Variants in TNN observed in about 807,000 individuals in gnomAD.
The protein encoded by TNN is tenascin N.
A neutral mutation model predicts 134.4 loss-of-function variants in TNN; 122 were observed. That is an observed-to-expected ratio of 0.91 (90% confidence interval 0.78 to 1.06). TNN has a LOEUF of 1.06. Among genes scored for constraint, TNN ranks in the 50% least tolerant of loss-of-function variants. The pLI is 0.00. For synonymous variants in TNN, 710 were observed against 670.3 expected (o/e 1.06, Z -0.91); for missense variants, 1,739 against 1,699.4 (o/e 1.02, Z -0.41).
chr1:175,142,529 G>A (rs1157135938), intron 17 of TNN, among the ~76,000 whole-genome samples: 1 of 152,226 alleles, frequency 6.6e-6, no homozygotes, highest in African/African-American at 2.4e-5. Flanking sequence ...CATCGGAAGG[G>A]CTTGTCAAGG....
intron 15 of TNN, among the ~76,000 whole-genome samples, chr1:175,134,344 A>G (rs1229292614): frequency 6.6e-6 from 1 of 152,142 alleles, no homozygotes; most frequent in African/African-American, 2.4e-5. Flanking sequence ...CAGGAGTTCA[A>G]GACCAGTCTG....
Position 175,144,501 on chromosome 1 carries a change from G to A in TNN, c.3710G>A (p.Cys1237Tyr). ...THHGGWWYKN[C>Y]HLANPNGRYG... ...CATGGTGGCTGGTGGTATAAGAACT[G>A]CCACTTGGCCAACCCTAATGGCAGA... Residue 1237 changes from cysteine (C) to tyrosine (Y), a missense_variant, in exon 18 of 19, where the codon TGC becomes TAC. Coordinates refer to ENST00000239462, the MANE Select transcript of TNN (RefSeq NM_022093.2). 6.2e-7 allele frequency: 1 copy of A among 1,614,236 alleles called. No individual in the cohort carries two copies. Among genetic ancestry groups the A allele is most frequent in the Non-Finnish European group, 8.5e-7 (1 of 1,180,040 alleles).
chr1:175,104,004 T>C (rs1460011130), intron 9 of TNN, among the ~76,000 whole-genome samples: 1 of 145,990 alleles, frequency 6.8e-6, no homozygotes, highest in African/African-American at 2.5e-5. Context: ...GGTAACTTGT[T>C]CCCCATATTT....
intron 17 of TNN, among the ~76,000 whole-genome samples, 173 bp from the exon 18 acceptor site, chr1:175,144,214 C>T (rs1014845541): frequency 1.3e-5 from 2 of 152,118 alleles, no homozygotes; most frequent in African/African-American, 4.8e-5. Context: ...ACAGCTTGTT[C>T]CCATGTGTCA....
chr1:175,134,084 C>T, intron 15 of TNN, among the ~76,000 whole-genome samples: 1 of 152,190 alleles, frequency 6.6e-6, no homozygotes, highest in East Asian at 1.9e-4. Context: ...TGAACTGAGA[C>T]TCAGTGAACT....
chr1:175,081,849 T>A (rs928504180), intron 4 of TNN, among the ~76,000 whole-genome samples: 1 of 152,168 alleles, frequency 6.6e-6, no homozygotes, highest in Non-Finnish European at 1.5e-5. Context: ...GATTGGGTGC[T>A]GTCAAGAAGT....
At chr1:175,110,849 G>T (rs1674999704) in intron 9 of TNN, among the ~76,000 whole-genome samples, 1 of 152,148 alleles carries the variant, frequency 6.6e-6, no homozygotes, top group African/African-American at 2.4e-5. Flanking sequence ...TGGCTATTTG[G>T]GGTCTTCTGT....
Position 175,118,844 on chromosome 1 carries a change from G to A in TNN, c.2650+20G>A, listed in dbSNP as rs1675264195. Reference sequence around the variant, plus strand: ...AGACAGGTAATAGAAGTGAAGAGAAGAGCAAACCCGGGTAGTAGCTGCAGG... The same window carrying A: ...AGACAGGTAATAGAAGTGAAGAGAAAAGCAAACCCGGGTAGTAGCTGCAGG... On this transcript the variant is annotated intron_variant, in intron 11 of 18. Coordinates refer to ENST00000239462, the MANE Select transcript of TNN (RefSeq NM_022093.2). The A allele has an allele frequency of 1.9e-6, 3 of 1,612,834 alleles. No homozygotes were observed. The highest frequency in any genetic ancestry group is 1.3e-5 in the African/African-American group (1 of 74,974).
chr1:175,118,514 T>C (rs2101836072), intron 10 of TNN, 47 bp from the exon 11 acceptor site: 1 of 1,607,032 alleles, frequency 6.2e-7, no homozygotes, highest in Non-Finnish European at 8.5e-7. Flanking sequence ...GTTTCTGCAC[T>C]CTGGCACCTG....
intron 9 of TNN, among the ~76,000 whole-genome samples, chr1:175,105,146 G>T (rs760663029): frequency 6.8e-6 from 1 of 146,026 alleles, no homozygotes; most frequent in East Asian, 2.3e-4. Context: ...AAAGGCCAGG[G>T]TTTGATCTAA....
chr1:175,106,664 G>T (rs1237215913), intron 9 of TNN, among the ~76,000 whole-genome samples: 2 of 146,460 alleles, frequency 1.4e-5, no homozygotes, highest in Non-Finnish European at 3.0e-5. Context: ...GGATAGATAG[G>T]ATAGATAGGC....
intron 11 of TNN, 99 bp from the exon 12 acceptor site, chr1:175,123,301 T>C (rs1675423191): frequency 5.1e-6 from 7 of 1,363,184 alleles, no homozygotes; most frequent in African/African-American, 1.5e-5. Flanking sequence ...TCTACCATTA[T>C]TAATGATAAC....
intron 9 of TNN, among the ~76,000 whole-genome samples, chr1:175,099,419 T>C (rs1399915959): frequency 7.3e-6 from 1 of 137,304 alleles, no homozygotes; most frequent in East Asian, 2.2e-4. Flanking sequence ...GGAGAAGAGG[T>C]AAGGGGTCAG....
chr1:175,109,019 C>G (rs1674944788), intron 9 of TNN, among the ~76,000 whole-genome samples: 1 of 149,892 alleles, frequency 6.7e-6, no homozygotes, highest in Admixed American at 6.6e-5. Context: ...GCTGTCACCT[C>G]TTAATCCTAC....
In TNN at chr1:175,128,600, G is replaced by A. The variant is rs958236660; in HGVS notation, c.3184G>A (p.Ala1062Thr). The change falls in exon 15 of 19, where the codon GCC becomes ACC. Residue 1062 changes from alanine to threonine, a missense_variant. Physicochemically the swap from Ala to Thr is moderately conservative, Grantham distance 58. Transcript: ENST00000239462. ...TCTCTCTGCTTGGCTCCCAGTTGGTGCCCGTTTCCCACACCCTTCGGACTG... is the reference window on the plus strand; with the variant it reads ...TCTCTCTGCTTGGCTCCCAGTTGGTACCCGTTTCCCACACCCTTCGGACTG... ...NVSTTLSTVGARFPHPSDCSQ... is the reference protein window; with the variant it reads ...NVSTTLSTVGTRFPHPSDCSQ... The A allele has an allele frequency of 6.8e-6, 11 of 1,609,544 alleles. No individual in the cohort carries two copies. Among genetic ancestry groups the A allele is most frequent in the Middle Eastern group, 1.7e-4 (1 of 6,040 alleles).
chr1:175,117,154 G>T lies in TNN; in HGVS notation c.2335G>T (p.Ala779Ser). The T allele has an allele frequency of 6.2e-7, 1 of 1,614,270 alleles. No individual in the cohort carries two copies. The highest frequency in any genetic ancestry group is 1.1e-5 in the South Asian group (1 of 91,090). The stretch of plus-strand genomic sequence containing the variant: ...TGTGGAGTACACGGTGCACGTGTGG[G>T]CCCAGAAGGGGGCCCAGGAGAGCAA... ...PGVEYTVHVW[A>S]QKGAQESKKA... The change falls in exon 10 of 19, where the codon GCC (alanine) becomes TCC (serine). Residue 779 changes from alanine (A) to serine (S), a missense_variant. Physicochemically the swap from Ala to Ser is moderately conservative, Grantham distance 99. Transcript: ENST00000239462.
chr1:175,078,294 C>T (rs1432466827), intron 2 of TNN, among the ~76,000 whole-genome samples: 1 of 152,086 alleles, frequency 6.6e-6, no homozygotes, highest in Non-Finnish European at 1.5e-5. Context: ...TAGTATAGTT[C>T]TGAGAACTAG....
rs1309325047 is a variant in TNN, at chr1:175,134,108, G to A, written c.3331-1737G>A. Among the ~76,000 whole-genome samples the A allele has an allele frequency of 3.3e-5, 5 of 152,190 alleles. No individual in the cohort carries two copies. The East Asian group carries it at 9.6e-4, about 29-fold the overall frequency. ...ACTCAGTGAACTCCTAGCATTGCCTGAGACACACTCTACCTTAATAAGTCT... is the reference window on the plus strand; with the variant it reads ...ACTCAGTGAACTCCTAGCATTGCCTAAGACACACTCTACCTTAATAAGTCT... On this transcript the variant is annotated intron_variant, in intron 15 of 18. Transcript: ENST00000239462.
intron 1 of TNN, among the ~76,000 whole-genome samples, chr1:175,068,680 G>A (rs1391661323): frequency 6.6e-6 from 1 of 152,206 alleles, no homozygotes; most frequent in Non-Finnish European, 1.5e-5. Flanking sequence ...GCTGAGGCAG[G>A]TGGATCACCT....
Sources: gnomAD v4.1 joint callset for allele counts (sites outside exome capture counted in the v4.1 genomes callset) on GRCh38, gnomAD v4.1.1 for gene constraint, MANE v1.5 for transcripts, NCBI Gene and HGNC (gene_info 2026-07-23, HGNC 2026-07-21) for gene names.